CFAP44: variants seen among roughly 807,000 people sequenced by gnomAD.
CFAP44 encodes cilia- and flagella-associated protein 44.
Under a neutral mutation model 216.2 loss-of-function variants are expected in CFAP44, and 134 were observed. The observed-to-expected ratio is 0.62, with a 90% CI of 0.54 to 0.72. CFAP44 has a LOEUF of 0.72. CFAP44 is among the 30% of genes least tolerant of loss of function. The pLI is 0.00. For missense variants in CFAP44, 2,035 were observed against 2,182.1 expected, an observed-to-expected ratio of 0.93 and a Z score of 1.34; for synonymous variants, 700 against 727.6, an observed-to-expected ratio of 0.96 and a Z score of 0.61.
intron 26 of CFAP44, 132 bp downstream of exon 26, chr3:113,330,036 A>G: frequency 9.2e-7 from 1 of 1,087,826 alleles, no homozygotes; most frequent in South Asian, 2.1e-5. Flanking sequence ...GCCATCACTG[A>G]GTGGTAAGCT....
At position 113,304,208 on chromosome 3, in the gene CFAP44, C is replaced by T. The variant is rs988343159; in HGVS notation, c.4876-91G>A. ...CATAAGAGGTGCACTTCCTTCTTTGCCCCTTGTTTAGCTCCTTGCCTTTGG... is the reference window on the plus strand; with the variant it reads ...CATAAGAGGTGCACTTCCTTCTTTGTCCCTTGTTTAGCTCCTTGCCTTTGG... On this transcript the variant is annotated intron_variant, in intron 31 of 34. Transcript: ENST00000393845. 3.7e-6 allele frequency: 5 copies of T among 1,349,994 alleles called. No homozygotes were observed. The African/African-American group carries it at 4.4e-5, about 12-fold the overall frequency. The allele number at this position is 1,349,994 out of a possible 1,614,324, so 83.6% of individuals were successfully genotyped here.
intron 15 of CFAP44, among the ~76,000 whole-genome samples, chr3:113,383,164 G>A (rs1488441274): frequency 6.6e-6 from 1 of 152,232 alleles, no homozygotes; most frequent in Non-Finnish European, 1.5e-5. Context: ...GGCATTGGAA[G>A]AATGTTATTG....
At chr3:113,362,869 G>C (rs1325536554) in intron 21 of CFAP44, 1 of 1,171,134 alleles carries the variant, frequency 8.5e-7, no homozygotes, top group Non-Finnish European at 1.1e-6. Flanking sequence ...AGAACTCTTG[G>C]GTTCTACTTT....
intron 23 of CFAP44, 101 bp from the exon 24 acceptor site, chr3:113,342,019 T>C: frequency 7.6e-7 from 1 of 1,309,842 alleles, no homozygotes; most frequent in Non-Finnish European, 1.0e-6. Flanking sequence ...ACAGAGAATA[T>C]ATTGAATTTG....
Position 113,416,638 on chromosome 3 carries a change from T to A in CFAP44, c.571-11A>T. The stretch of plus-strand genomic sequence containing the variant: ...TTTATGTGGATGAACCTACAAAAGA[T>A]AAAATTTCACCAAAATATTAAAAGA... On this transcript the variant is annotated splice_polypyrimidine_tract_variant and intron_variant, in intron 5 of 34. Coordinates refer to ENST00000393845, the MANE Select transcript of CFAP44 (RefSeq NM_001164496.2). 1 of 1,573,748 alleles carries A rather than the reference T, an allele frequency of 6.4e-7. No homozygotes were observed. The highest frequency in any genetic ancestry group is 8.7e-7 in the Non-Finnish European group (1 of 1,153,670).
chr3:113,413,191 C>T (rs1411503565), intron 6 of CFAP44, among the ~76,000 whole-genome samples: 1 of 152,124 alleles, frequency 6.6e-6, no homozygotes, highest in African/African-American at 2.4e-5. Context: ...AGTATCTGTT[C>T]ATATCCTTTG....
intron 2 of CFAP44, among the ~76,000 whole-genome samples, chr3:113,431,755 T>G (rs1935112097): frequency 6.6e-6 from 1 of 152,124 alleles, no homozygotes; most frequent in Non-Finnish European, 1.5e-5. Context: ...TAATGCAAAT[T>G]TTGCATGTGT....
chr3:113,393,271 C>T (rs1933894406), intron 15 of CFAP44, among the ~76,000 whole-genome samples: 1 of 152,168 alleles, frequency 6.6e-6, no homozygotes, highest in Admixed American at 6.5e-5. Context: ...AGCAGCACTG[C>T]CCAAAATGAC....
chr3:113,307,141 C>T (rs1949993149), intron 29 of CFAP44, among the ~76,000 whole-genome samples: 1 of 152,194 alleles, frequency 6.6e-6, no homozygotes, highest in African/African-American at 2.4e-5. Context: ...CCAGTGAAAA[C>T]AGTGAATGTA....
At chr3:113,360,024 T>C (rs1352189509) in intron 21 of CFAP44, among the ~76,000 whole-genome samples, 2 of 151,482 alleles carry the variant, frequency 1.3e-5, no homozygotes, top group East Asian at 3.9e-4. Context: ...TTTGGCTAAG[T>C]ACAATAAGAG....
intron 32 of CFAP44, among the ~76,000 whole-genome samples, chr3:113,300,105 G>A (rs982027448): frequency 5.3e-5 from 8 of 152,134 alleles, no homozygotes; most frequent in African/African-American, 1.9e-4. Flanking sequence ...AATAAGCCAG[G>A]CACATAAAGA....
At chr3:113,437,733 T>C (rs774368855) in intron 1 of CFAP44, among the ~76,000 whole-genome samples, 2 of 152,232 alleles carry the variant, frequency 1.3e-5, no homozygotes, top group Admixed American at 6.5e-5. Flanking sequence ...ACTCCTGTTC[T>C]CCTGGAGATT....
In CFAP44 at chr3:113,440,372, T is replaced by C. The variant is rs190928538; in HGVS notation, c.-6+1081A>G. 8.0e-3 allele frequency among the ~76,000 whole-genome samples: 1,216 copies of C among 152,358 alleles called. 10 individuals are homozygous for C. Among genetic ancestry groups the C allele is most frequent in the Non-Finnish European group, 0.013 (908 of 68,030 alleles). ...CACCGCGCACAGCCTATTATTATTATTTTTGAGACAAAGTCTTGCTATCCA... is the reference window on the plus strand; with the variant it reads ...CACCGCGCACAGCCTATTATTATTACTTTTGAGACAAAGTCTTGCTATCCA... On this transcript the variant is annotated intron_variant, in intron 1 of 34. Transcript: ENST00000393845.
chr3:113,361,498 GTT>G (rs201963188), intron 21 of CFAP44, among the ~76,000 whole-genome samples: 201 of 137,848 alleles, frequency 1.5e-3, no homozygotes, highest in African/African-American at 4.9e-3. Context: ...GACCTGTTTT[GTT>G]TTTTTTTTTT....
intron 18 of CFAP44, among the ~76,000 whole-genome samples, chr3:113,369,989 A>G (rs1483852622): frequency 6.6e-6 from 1 of 152,256 alleles, no homozygotes; most frequent in Non-Finnish European, 1.5e-5. Context: ...GAATAAGTGG[A>G]TAAATTTCTG....
intron 33 of CFAP44, among the ~76,000 whole-genome samples, chr3:113,296,446 G>A (rs1006291736): frequency 6.6e-5 from 10 of 152,240 alleles, no homozygotes; most frequent in Admixed American, 6.5e-4. Flanking sequence ...GCCTCAAAAT[G>A]AGATCTCTCC....
rs368620724 is a variant in CFAP44, at chr3:113,379,386, G to C, written c.2218C>G (p.Pro740Ala). The stretch of plus-strand genomic sequence containing the variant: ...GGGGTTGACGGAATAAATATTTCAG[G>C]TAATGGCTCTTCTTCCTCCTCCTCC... The part of the protein sequence containing the change: ...EEEEEEEEPL[P>A]EIFIPSTPSP... Residue 740 changes from proline to alanine, a missense_variant, in exon 17 of 35, where the codon CCT (proline) becomes GCT (alanine). Around this residue, in one of 3 missense-constraint regions of CFAP44, gnomAD observed 1,883 missense variants for 2,023.7 expected, o/e 0.93. Transcript: ENST00000393845. The C allele has an allele frequency of 4.3e-6, 7 of 1,612,814 alleles. No homozygotes were observed. The highest frequency in any genetic ancestry group is 3.3e-4 in the Middle Eastern group (2 of 6,052).
intron 32 of CFAP44, among the ~76,000 whole-genome samples, chr3:113,301,296 T>G (rs12330211): frequency 0.25 from 37,837 of 152,074 alleles, 4,909 homozygotes; most frequent in African/African-American, 0.32. Context: ...TAGAAGTACA[T>G]GTAAATATAA....
At chr3:113,293,282 A>G (rs1182604743) in intron 34 of CFAP44, among the ~76,000 whole-genome samples, 1 of 152,142 alleles carries the variant, frequency 6.6e-6, no homozygotes, top group Non-Finnish European at 1.5e-5. Context: ...GTTGTCACCA[A>G]CTATATCCCA....
Sources: allele counts gnomAD v4.1 joint callset (sites outside exome capture counted in the v4.1 genomes callset), GRCh38; gene constraint gnomAD v4.1.1; regional missense constraint gnomAD v4.1.1; transcripts MANE v1.5; gene names NCBI Gene and HGNC (gene_info 2026-07-23, HGNC 2026-07-21).